The following ARHGEF1 variants were observed in gnomAD, a reference collection of about 807,000 sequenced individuals.
ARHGEF1 encodes Rho guanine nucleotide exchange factor 1, also known as 115 kDa guanine nucleotide exchange factor.
ARHGEF1 carries 40 observed loss-of-function variants against 119.7 expected under a neutral mutation model. The observed-to-expected ratio is 0.33, with a 90% CI of 0.26 to 0.44. The LOEUF (loss-of-function observed/expected upper bound fraction) is 0.44, where lower values mean the gene tolerates loss of function less well. Ranked by LOEUF, ARHGEF1 falls within the 20% of genes least tolerant of loss-of-function variation. The pLI is 1.00. For missense variants in ARHGEF1, 976 were observed against 1,268.3 expected, an observed-to-expected ratio of 0.77 and a Z score of 3.50; for synonymous variants, 494 against 521.0, an observed-to-expected ratio of 0.95 and a Z score of 0.71.
Position 41,892,763 on chromosome 19 carries a change from G to C in ARHGEF1, c.528G>C (p.Glu176Asp). Residue 176 changes from glutamate to aspartate, a missense_variant, in exon 7 of 29, where the codon GAG becomes GAC. By Grantham distance (45) the Glu-to-Asp change is conservative. This residue lies in a region of ARHGEF1 where 519 missense variants were observed against 580.9 expected (regional missense o/e 0.89). Coordinates refer to ENST00000354532, the MANE Select transcript of ARHGEF1 (RefSeq NM_004706.4). The surrounding 1 kb of genome is among the most constrained non-coding windows in gnomAD (Gnocchi z 6.3). ...GGGAGCAGGAGCTGGCCCAGCTGGA[G>C]GCTTGGGTTGGGCGGGACCGAGCCA... ...TPWEQELAQL[E>D]AWVGRDRASY... 6.2e-7 allele frequency: 1 copy of C among 1,607,882 alleles called. No individual in the cohort carries two copies. Among genetic ancestry groups the C allele is most frequent in the Non-Finnish European group, 8.5e-7 (1 of 1,178,132 alleles).
rs1312225686 is a variant in ARHGEF1 at position 41,913,365 on chromosome 19, C to T, written c.1865+6562C>T. On this transcript the variant is annotated intron_variant, in intron 18 of 20. Transcript: ENST00000599589. ...CCCGGGTCGGTCGGTCCCTGCGTCTCTGGGTCTCCCTCTGTCTCTCTCTCT... is the reference window on the plus strand; with the variant it reads ...CCCGGGTCGGTCGGTCCCTGCGTCTTTGGGTCTCCCTCTGTCTCTCTCTCT... 2.0e-5 allele frequency among the ~76,000 whole-genome samples: 3 copies of T among 151,738 alleles called. No individual in the cohort carries two copies. The South Asian group carries it at 6.3e-4, about 32-fold the overall frequency.
chr19:41,896,832 CCT>C (rs1362269164), intron 13 of ARHGEF1: 14 of 359,558 alleles, frequency 3.9e-5, no homozygotes, highest in East Asian at 8.4e-5. Flanking sequence ...CCTCCCCCAT[CCT>C]CTCTCACCTC....
intron 1 of ARHGEF1, among the ~76,000 whole-genome samples, chr19:41,926,672 C>T (rs1434218668): frequency 1.3e-5 from 2 of 151,850 alleles, no homozygotes; most frequent in Non-Finnish European, 2.9e-5. Context: ...CCTGAGGCTG[C>T]TTGGCGATGC....
chr19:41,912,876 G>A, intron 18 of ARHGEF1: 5 of 1,231,146 alleles, frequency 4.1e-6, no homozygotes, highest in Non-Finnish European at 5.1e-6. Flanking sequence ...AGCCGGCAGG[G>A]CGGGCGGGGC....
At position 41,888,904 on chromosome 19, in the gene ARHGEF1, C is replaced by A; in HGVS notation, c.225+39C>A. 1 of 1,548,402 alleles carries A rather than the reference C, an allele frequency of 6.5e-7. No homozygotes were observed. The highest frequency in any genetic ancestry group is 8.9e-7 in the Non-Finnish European group (1 of 1,128,728). ...TGGGTGGGCACAGGGAGGGGTGGGGCTGGGACAGGCACAGCTTTTAGCGAA... is the reference window on the plus strand; with the variant it reads ...TGGGTGGGCACAGGGAGGGGTGGGGATGGGACAGGCACAGCTTTTAGCGAA... On this transcript the variant is annotated intron_variant, in intron 4 of 28. Transcript: ENST00000354532. This position sits in a 1 kb window ranked among gnomAD's most constrained non-coding sequence, Gnocchi z 5.1.
At position 41,903,239 on chromosome 19, in the gene ARHGEF1, C is replaced by A; in HGVS notation, c.1739-68C>A. 1 of 1,459,260 alleles carries A rather than the reference C, an allele frequency of 6.9e-7. No individual in the cohort carries two copies. The highest frequency in any genetic ancestry group is 9.6e-7 in the Non-Finnish European group (1 of 1,045,710). 90.4% of individuals were successfully genotyped at this position (1,459,260 alleles called of 1,614,324 possible). A position where few individuals can be genotyped will look rare whatever the true frequency, so the allele number is the denominator to read the frequency against. ...GCCCGGCCAGCTGTCCTTTGTCTAA[C>A]CTTGGCTGCCCAATCTGGAGCCTCC... On this transcript the variant is annotated intron_variant, in intron 18 of 28. Coordinates refer to ENST00000354532, the MANE Select transcript of ARHGEF1 (RefSeq NM_004706.4). The surrounding 1 kb of genome is among the most constrained non-coding windows in gnomAD (Gnocchi z 4.2).
Position 41,892,704 on chromosome 19 carries a change from T to A in ARHGEF1, c.469T>A (p.Phe157Ile). The A allele has an allele frequency of 6.2e-7, 1 of 1,613,524 alleles. No homozygotes were observed. Among genetic ancestry groups the A allele is most frequent in the Non-Finnish European group, 8.5e-7 (1 of 1,179,770 alleles). The change falls in exon 7 of 29, where the codon TTC (phenylalanine) becomes ATC (isoleucine). Residue 157 changes from phenylalanine (F) to isoleucine (I), a missense_variant. Phe to Ile is a conservative substitution (Grantham distance 21). This residue lies in a region of ARHGEF1 where 519 missense variants were observed against 580.9 expected (regional missense o/e 0.89). Transcript: ENST00000354532. The surrounding 1 kb of genome is among the most constrained non-coding windows in gnomAD (Gnocchi z 6.3). Reference sequence around the variant, plus strand: ...AGCCGTGGGCCGGCAGCTGGAGGACTTCCGTTCCAAGCGGCTCATGGGCAT... The same window carrying A: ...AGCCGTGGGCCGGCAGCTGGAGGACATCCGTTCCAAGCGGCTCATGGGCAT... ...QVAVGRQLED[F>I]RSKRLMGMTP...
At chr19:41,925,778 C>T (rs1466612605) in intron 1 of ARHGEF1, among the ~76,000 whole-genome samples, 3 of 151,954 alleles carry the variant, frequency 2.0e-5, no homozygotes, top group African/African-American at 7.3e-5. Flanking sequence ...GGGATGTGAG[C>T]GACAGGTGTG....
chr19:41,904,853 G>A lies in ARHGEF1; in HGVS notation c.2162-96G>A, dbSNP rs931222221. On this transcript the variant is annotated intron_variant, in intron 22 of 28. Coordinates refer to ENST00000354532, the MANE Select transcript of ARHGEF1 (RefSeq NM_004706.4). The surrounding 1 kb of genome is among the most constrained non-coding windows in gnomAD (Gnocchi z 8.4). ...GTTGAGCCATGGGAGCCCTGAGAGCGCCACCACTGTGGGTGACTTCTCCAG... is the reference window on the plus strand; with the variant it reads ...GTTGAGCCATGGGAGCCCTGAGAGCACCACCACTGTGGGTGACTTCTCCAG... The A allele has an allele frequency of 7.4e-5, 76 of 1,020,996 alleles. No homozygotes were observed. The highest frequency in any genetic ancestry group is 4.1e-4 in the Middle Eastern group (2 of 4,850). 63.2% of individuals were successfully genotyped at this position (1,020,996 alleles called of 1,614,324 possible). A position where few individuals can be genotyped will look rare whatever the true frequency, so the allele number is the denominator to read the frequency against.
At chr19:41,908,833 A>C (rs1345879031), downstream of ARHGEF1, among the ~76,000 whole-genome samples, 22 of 79,616 alleles carry the variant, frequency 2.8e-4, no homozygotes, top group African/African-American at 5.1e-4. The surrounding 1 kb of genome is among the most constrained non-coding windows in gnomAD (Gnocchi z 6.7). Context: ...ATCTCCTCCC[A>C]CTCCCCCACT....
At chr19:41,893,986 T>C (rs1335303542) in intron 8 of ARHGEF1, among the ~76,000 whole-genome samples, 2 of 151,468 alleles carry the variant, frequency 1.3e-5, no homozygotes, top group African/African-American at 2.4e-5. Flanking sequence ...GCCTGGACAC[T>C]TGGGTCCTGG....
At chr19:41,924,183 AC>A (rs1327286030) in intron 1 of ARHGEF1, among the ~76,000 whole-genome samples, 3 of 151,706 alleles carry the variant, frequency 2.0e-5, no homozygotes, top group Non-Finnish European at 4.4e-5. Flanking sequence ...AGCAAGTGTC[AC>A]CAAAGTCCCT....
chr19:41,897,967 C>T, intron 13 of ARHGEF1: 14 of 1,316,232 alleles, frequency 1.1e-5, no homozygotes, highest in Non-Finnish European at 1.4e-5. Flanking sequence ...GTCTGGGGCG[C>T]TCAGAGAGCC....
intron 18 of ARHGEF1, among the ~76,000 whole-genome samples, chr19:41,915,431 C>G (rs2145894325): frequency 6.6e-6 from 1 of 152,046 alleles, no homozygotes; most frequent in South Asian, 2.1e-4. Flanking sequence ...ATCTCTGGGT[C>G]TCCATGCCTC....
chr19:41,903,885 C>T lies in ARHGEF1; in HGVS notation c.1917+101C>T. 1 of 1,408,222 alleles carries T rather than the reference C, an allele frequency of 7.1e-7. No homozygotes were observed. Among genetic ancestry groups the T allele is most frequent in the Non-Finnish European group, 1.0e-6 (1 of 1,004,690 alleles). The allele number at this position is 1,408,222 out of a possible 1,614,324, so 87.2% of individuals were successfully genotyped here. On this transcript the variant is annotated intron_variant, in intron 20 of 28. Transcript: ENST00000354532. The surrounding 1 kb of genome is among the most constrained non-coding windows in gnomAD (Gnocchi z 4.2). ...TGTCCTGCCCATCCCATAATACACCCAGGAAGCGAGAGCTCTGTCCCCCAC... is the reference window on the plus strand; with the variant it reads ...TGTCCTGCCCATCCCATAATACACCTAGGAAGCGAGAGCTCTGTCCCCCAC...
At position 41,902,430 on chromosome 19, in the gene ARHGEF1, C is replaced by T. The variant is rs1377026394; in HGVS notation, c.1497+74C>T. The T allele has an allele frequency of 2.5e-5, 40 of 1,611,316 alleles. No individual in the cohort carries two copies. Among genetic ancestry groups the T allele is most frequent in the Non-Finnish European group, 3.2e-5 (38 of 1,178,738 alleles). ...AGGCCCGGGACGGGTCCTGAGCCCA[C>T]CCTACTCCAGTCCCAGGGTCTGGGC... On this transcript the variant is annotated intron_variant, in intron 16 of 28. Transcript: ENST00000354532. This position sits in a 1 kb window ranked among gnomAD's most constrained non-coding sequence, Gnocchi z 6.5.
In ARHGEF1 at chr19:41,902,422, T is replaced by A; in HGVS notation, c.1497+66T>A. 1 of 1,611,976 alleles carries A rather than the reference T, an allele frequency of 6.2e-7. No individual in the cohort carries two copies. The highest frequency in any genetic ancestry group is 1.3e-5 in the African/African-American group (1 of 75,036). On this transcript the variant is annotated intron_variant, in intron 16 of 28. Coordinates refer to ENST00000354532, the MANE Select transcript of ARHGEF1 (RefSeq NM_004706.4). This position sits in a 1 kb window ranked among gnomAD's most constrained non-coding sequence, Gnocchi z 6.5. ...TGGAATTCAGGCCCGGGACGGGTCCTGAGCCCACCCTACTCCAGTCCCAGG... is the reference window on the plus strand; with the variant it reads ...TGGAATTCAGGCCCGGGACGGGTCCAGAGCCCACCCTACTCCAGTCCCAGG...
chr19:41,897,649 C>T (rs2074532529), intron 13 of ARHGEF1: 4 of 252,302 alleles, frequency 1.6e-5, no homozygotes, highest in African/African-American at 7.0e-5. Flanking sequence ...TCCCACCACT[C>T]CTCTGACTCT....
chr19:41,890,943 A>G (rs782487999), intron 4 of ARHGEF1, among the ~76,000 whole-genome samples: 4 of 152,088 alleles, frequency 2.6e-5, no homozygotes, highest in Admixed American at 2.0e-4. Context: ...AAGGAGAAAA[A>G]GTCCCACTCC....
Sources: allele counts gnomAD v4.1 joint callset (sites outside exome capture counted in the v4.1 genomes callset), GRCh38; gene constraint gnomAD v4.1.1; regional missense constraint gnomAD v4.1.1; non-coding constraint Gnocchi (gnomAD v3.1); transcripts MANE v1.5; gene names NCBI Gene and HGNC (gene_info 2026-07-23, HGNC 2026-07-21).